The following FAM47E variants were observed in gnomAD, a reference collection of about 807,000 sequenced individuals.
FAM47E encodes protein FAM47E.
Under a neutral mutation model 41.6 loss-of-function variants are expected in FAM47E, and 32 were observed. The observed-to-expected ratio is 0.77, with a 90% CI of 0.58 to 1.03. FAM47E has a LOEUF of 1.03. Among genes scored for constraint, FAM47E ranks in the 50% least tolerant of loss-of-function variants. The pLI is 0.00. For synonymous variants in FAM47E, 184 were observed against 188.7 expected (o/e 0.98, Z 0.20); for missense variants, 424 against 485.4 (o/e 0.87, Z 1.19).
In FAM47E at chr4:76,283,369, AT is replaced by A. The variant is rs528916918; in HGVS notation, c.1105-3del. On this transcript the variant is annotated splice_polypyrimidine_tract_variant and intron_variant, in intron 7 of 7. Coordinates refer to ENST00000424749, the MANE Select transcript of FAM47E (RefSeq NM_001136570.3). The stretch of plus-strand genomic sequence containing the variant: ...TTGCCAATCTAATGAAGGTTCTCTC[AT>A]TTTTTTTTAGTTCCTTGAGAATATG... 1,341 of 1,379,552 alleles carry A rather than the reference AT, an allele frequency of 9.7e-4. No individual in the cohort carries two copies. The highest frequency in any genetic ancestry group is 1.1e-3 in the Non-Finnish European group (1,099 of 1,011,072). 85.5% of individuals were successfully genotyped at this position (1,379,552 alleles called of 1,614,324 possible). A position where few individuals can be genotyped will look rare whatever the true frequency, so the allele number is the denominator to read the frequency against.
Position 76,251,788 on chromosome 4 carries a change from C to T in FAM47E, c.42C>T (p.Ala14=), listed in dbSNP as rs1217792541. Residue 14 remains alanine, a synonymous_variant, in exon 1 of 8, where the codon GCC becomes GCT. Coordinates refer to ENST00000424749, the MANE Select transcript of FAM47E (RefSeq NM_001136570.3). ...RRRRLRPGTL[A]PVREGVNCRS... ...GGCGGCTCCGGCCGGGGACGTTGGC[C>T]CCGGTGCGCGAGGGCGTGAACTGCA... is the stretch of plus-strand genomic sequence containing the variant. 6.7e-7 allele frequency: 1 copy of T among 1,489,688 alleles called. No homozygotes were observed. Among genetic ancestry groups the T allele is most frequent in the Middle Eastern group, 2.1e-4 (1 of 4,866 alleles). The allele number at this position is 1,489,688 out of a possible 1,614,324, so 92.3% of individuals were successfully genotyped here. A position where few individuals can be genotyped will look rare whatever the true frequency, so the allele number is the denominator to read the frequency against.
At chr4:76,233,586 GCACACACACA>G (rs34421184) in intron 2 of FAM47E, among the ~76,000 whole-genome samples, 1 of 150,762 alleles carries the variant, frequency 6.6e-6, no homozygotes, top group Non-Finnish European at 1.5e-5. Context: ...ACACACACAC[GCACACACACA>G]CACACACATA....
At chr4:76,275,889 CT>C (rs1285861430) in intron 5 of FAM47E, among the ~76,000 whole-genome samples, 1 of 152,138 alleles carries the variant, frequency 6.6e-6, no homozygotes, top group Non-Finnish European at 1.5e-5. Context: ...GCCCCCCTTC[CT>C]CCACCTCAGG....
At position 76,266,017 on chromosome 4, in the gene FAM47E, G is replaced by A. The variant is rs569989500; in HGVS notation, c.560+2174G>A. 2.1e-3 allele frequency among the ~76,000 whole-genome samples: 325 copies of A among 152,286 alleles called. 2 individuals are homozygous for A. Among genetic ancestry groups the A allele is most frequent in the African/African-American group, 7.4e-3 (309 of 41,550 alleles). Reference sequence around the variant, plus strand: ...CTCCACTGACCTGACCTTAGTCAAGGTCTCCTTTGACCTCTATGTTAACTA... The same window carrying A: ...CTCCACTGACCTGACCTTAGTCAAGATCTCCTTTGACCTCTATGTTAACTA... On this transcript the variant is annotated intron_variant, in intron 3 of 7. Coordinates refer to ENST00000424749, the MANE Select transcript of FAM47E (RefSeq NM_001136570.3).
At chr4:76,282,381 G>A (rs945470733) in intron 7 of FAM47E, 1 of 152,108 alleles carries the variant, frequency 6.6e-6, no homozygotes, top group African/African-American at 2.4e-5. Flanking sequence ...CGCCCCCCAT[G>A]TGTCCGTTTA....
intron 1 of FAM47E, among the ~76,000 whole-genome samples, chr4:76,217,290 C>T (rs1022254907): frequency 6.6e-6 from 1 of 152,160 alleles, no homozygotes; most frequent in Non-Finnish European, 1.5e-5. Context: ...GATGCCAGGG[C>T]AGGGAGACAA....
intron 2 of FAM47E, among the ~76,000 whole-genome samples, chr4:76,234,104 C>A (rs1456652320): frequency 1.3e-5 from 2 of 152,094 alleles, no homozygotes; most frequent in Non-Finnish European, 2.9e-5. Context: ...CACCTTGGGC[C>A]ATGTGTCTCA....
intron 3 of FAM47E, chr4:76,267,467 G>T (rs1341406327): frequency 1.3e-5 from 2 of 152,294 alleles, no homozygotes; most frequent in African/African-American, 4.8e-5. Flanking sequence ...AAATGGTGGT[G>T]GGTCCCAAAG....
intron 2 of FAM47E, among the ~76,000 whole-genome samples, chr4:76,245,894 G>C (rs966773921): frequency 6.6e-6 from 1 of 152,042 alleles, no homozygotes; most frequent in Non-Finnish European, 1.5e-5. Flanking sequence ...ACCTCCTGAG[G>C]GCAGGAACCT....
chr4:76,262,065 T>G (rs1177482013), intron 2 of FAM47E, among the ~76,000 whole-genome samples: 1 of 152,108 alleles, frequency 6.6e-6, no homozygotes, highest in East Asian at 1.9e-4. Context: ...TTCTGCCAAC[T>G]TTGGGGTCTG....
chr4:76,254,827 G>T (rs1356719945), intron 1 of FAM47E, among the ~76,000 whole-genome samples: 3 of 152,180 alleles, frequency 2.0e-5, no homozygotes, highest in African/African-American at 7.2e-5. Context: ...TGGCTTTGGT[G>T]TTCGCTGGTT....
intron 2 of FAM47E, among the ~76,000 whole-genome samples, chr4:76,219,964 T>C (rs1007269767): frequency 8.5e-5 from 13 of 152,248 alleles, no homozygotes; most frequent in Non-Finnish European, 1.8e-4. Flanking sequence ...AAATAAATAC[T>C]GTTTCTTTTT....
At chr4:76,216,930 G>C (rs1170416780) in intron 1 of FAM47E, among the ~76,000 whole-genome samples, 1 of 152,104 alleles carries the variant, frequency 6.6e-6, no homozygotes. Context: ...TCTTATCACC[G>C]AGGCTGGCAT....
chr4:76,245,132 G>A (rs576276991), intron 2 of FAM47E, among the ~76,000 whole-genome samples: 8 of 151,764 alleles, frequency 5.3e-5, no homozygotes, highest in East Asian at 1.9e-4. Context: ...ATCCTCATAC[G>A]TCTTGCCTTG....
chr4:76,271,415 C>T (rs776893244), intron 4 of FAM47E, among the ~76,000 whole-genome samples, 153 bp from the exon 5 acceptor site: 2 of 152,182 alleles, frequency 1.3e-5, no homozygotes, highest in Non-Finnish European at 2.9e-5. Context: ...CCTCCAAACC[C>T]CAAACACTTC....
chr4:76,251,652 C>G, upstream of FAM47E: 1 of 1,355,580 alleles, frequency 7.4e-7, no homozygotes, highest in Non-Finnish European at 9.5e-7. Context: ...GGGCAAATAC[C>G]GGCAGCGGTG....
In FAM47E at chr4:76,255,136, A is replaced by C. The variant is rs116563320; in HGVS notation, c.75-1042A>C. Among the ~76,000 whole-genome samples, 494 of 152,258 alleles carry C rather than the reference A, an allele frequency of 3.2e-3. 8 individuals are homozygous for C. The highest frequency in any genetic ancestry group is 0.012 in the African/African-American group (479 of 41,522). On this transcript the variant is annotated intron_variant, in intron 1 of 7. Coordinates refer to ENST00000424749, the MANE Select transcript of FAM47E (RefSeq NM_001136570.3). ...GAGGAGCCATTTTTCCCGATTATTT[A>C]TGTGAACATTTTTATTTATCATAAA...
At chr4:76,228,387 G>A (rs113789302) in intron 2 of FAM47E, among the ~76,000 whole-genome samples, 8,025 of 151,864 alleles carry the variant, frequency 0.053, 247 homozygotes, top group Middle Eastern at 0.088. Context: ...GCAGAGGCAG[G>A]AGAATCACTT....
At chr4:76,271,004 C>G (rs1734862735) in intron 4 of FAM47E, among the ~76,000 whole-genome samples, 1 of 152,192 alleles carries the variant, frequency 6.6e-6, no homozygotes, top group South Asian at 2.1e-4. Context: ...TTCCCAGTTT[C>G]TGTTTTCCAG....
Sources: gnomAD v4.1 joint callset for allele counts (sites outside exome capture counted in the v4.1 genomes callset) on GRCh38, gnomAD v4.1.1 for gene constraint, MANE v1.5 for transcripts, NCBI Gene and HGNC (gene_info 2026-07-23, HGNC 2026-07-21) for gene names.